The following NR5A2 variants were observed in gnomAD, a reference collection of about 807,000 sequenced individuals.
The protein encoded by NR5A2 is nuclear receptor subfamily 5 group A member 2, also known as CYP7A promoter-binding factor.
Under a neutral mutation model 62.7 loss-of-function variants are expected in NR5A2, and 26 were observed. The observed-to-expected ratio is 0.41, with a 90% CI of 0.30 to 0.58. NR5A2 has a LOEUF of 0.58. Ranked by LOEUF, NR5A2 falls within the 20% of genes least tolerant of loss-of-function variation. The pLI, the probability that NR5A2 is intolerant of heterozygous loss-of-function variation, is 0.22. For synonymous variants in NR5A2, 246 were observed against 241.7 expected, an observed-to-expected ratio of 1.02 and a Z score of -0.16; for missense variants, 541 against 669.1, an observed-to-expected ratio of 0.81 and a Z score of 2.11.
chr1:200,168,298 C>T (rs1571586548), intron 7 of NR5A2, among the ~76,000 whole-genome samples: 1 of 150,854 alleles, frequency 6.6e-6, no homozygotes, highest in Admixed American at 6.6e-5. Context: ...TGTACTTGAA[C>T]TCCTGGGCTC....
chr1:200,161,098 C>T (rs914389222), intron 7 of NR5A2, among the ~76,000 whole-genome samples: 2 of 152,026 alleles, frequency 1.3e-5, no homozygotes, highest in Non-Finnish European at 2.9e-5. Context: ...ACTAAGACCT[C>T]CAAGACCAGC....
chr1:200,132,302 G>C (rs114890565), intron 7 of NR5A2, among the ~76,000 whole-genome samples: 1,611 of 152,252 alleles, frequency 0.011, 21 homozygotes, highest in Non-Finnish European at 0.017. Flanking sequence ...GAGCCAATGT[G>C]CCCGGCAAGA....
intron 7 of NR5A2, among the ~76,000 whole-genome samples, chr1:200,169,107 G>A (rs1184647349): frequency 6.6e-6 from 1 of 152,006 alleles, no homozygotes; most frequent in Non-Finnish European, 1.5e-5. Context: ...ACCGGGAGTA[G>A]CTGAGGCCAG....
chr1:200,061,445 A>G (rs1198825169), intron 5 of NR5A2, among the ~76,000 whole-genome samples: 1 of 151,720 alleles, frequency 6.6e-6, no homozygotes, highest in Admixed American at 6.6e-5. Context: ...TGCCTGGCTA[A>G]TTTTGTATTT....
intron 5 of NR5A2, among the ~76,000 whole-genome samples, chr1:200,080,681 C>G (rs550061497): frequency 2.6e-4 from 39 of 152,276 alleles, no homozygotes; most frequent in African/African-American, 9.1e-4. Flanking sequence ...ATAGCTTTGT[C>G]AAAAACAAAT....
intron 7 of NR5A2, among the ~76,000 whole-genome samples, chr1:200,164,655 C>T (rs1167815189): frequency 2.0e-5 from 3 of 149,150 alleles, no homozygotes; most frequent in Non-Finnish European, 4.4e-5. Flanking sequence ...TCAAGTGATT[C>T]TCCTGTCTCA....
chr1:200,033,407 A>G (rs538452271), intron 1 of NR5A2, among the ~76,000 whole-genome samples: 5 of 152,076 alleles, frequency 3.3e-5, no homozygotes, highest in Non-Finnish European at 5.9e-5. Flanking sequence ...GTCAATTAAA[A>G]AAAAAAGCAC....
rs531368939 is a variant in NR5A2 at position 200,084,765 on chromosome 1, A to T, written c.1111-26437A>T. 3.3e-4 allele frequency among the ~76,000 whole-genome samples: 51 copies of T among 152,320 alleles called. 2 individuals carry two copies. In the South Asian group the frequency reaches 0.011, roughly 32 times the overall value. Reference sequence around the variant, plus strand: ...TAATTCATTGATTCGATAATACAAGAACAGTAAACATTTCTGGCATAACAA... The same window carrying T: ...TAATTCATTGATTCGATAATACAAGTACAGTAAACATTTCTGGCATAACAA... On this transcript the variant is annotated intron_variant, in intron 5 of 7. Coordinates refer to ENST00000367362, the MANE Select transcript of NR5A2 (RefSeq NM_205860.3).
chr1:200,109,287 T>A (rs1042326536), intron 5 of NR5A2, among the ~76,000 whole-genome samples: 2 of 152,206 alleles, frequency 1.3e-5, no homozygotes, highest in Non-Finnish European at 2.9e-5. Flanking sequence ...TCAATTTCTG[T>A]AAGTAATTTC....
intron 7 of NR5A2, among the ~76,000 whole-genome samples, chr1:200,154,424 T>C (rs1481475313): frequency 6.6e-6 from 1 of 152,216 alleles, no homozygotes; most frequent in Non-Finnish European, 1.5e-5. Context: ...TTGGGTTCAG[T>C]TGATAACAAT....
chr1:200,119,915 T>A (rs994524528), intron 6 of NR5A2, among the ~76,000 whole-genome samples: 3 of 147,550 alleles, frequency 2.0e-5, no homozygotes, highest in African/African-American at 4.9e-5. Flanking sequence ...GGCCAGCACT[T>A]TTTTTTTTTT....
chr1:200,150,672 G>A (rs1490662540), intron 7 of NR5A2, among the ~76,000 whole-genome samples: 1 of 152,198 alleles, frequency 6.6e-6, no homozygotes, highest in Non-Finnish European at 1.5e-5. Flanking sequence ...AGAGAGAAGA[G>A]AGATCATAAG....
chr1:200,094,782 T>C (rs968325164), intron 5 of NR5A2, among the ~76,000 whole-genome samples: 1 of 151,542 alleles, frequency 6.6e-6, no homozygotes, highest in African/African-American at 2.4e-5. Flanking sequence ...TCTGCCCGCC[T>C]CGGCCTCCCA....
At chr1:200,091,225 G>T (rs141573180) in intron 5 of NR5A2, among the ~76,000 whole-genome samples, 1 of 152,148 alleles carries the variant, frequency 6.6e-6, no homozygotes, top group Non-Finnish European at 1.5e-5. Flanking sequence ...TTTTATAGAA[G>T]AGTGATGCAC....
chr1:200,131,948 C>T (rs1666984422), intron 7 of NR5A2, among the ~76,000 whole-genome samples: 1 of 152,196 alleles, frequency 6.6e-6, no homozygotes, highest in African/African-American at 2.4e-5. Context: ...CATTAAATCA[C>T]ACAAAATATA....
chr1:200,175,689 G>A lies in NR5A2; in HGVS notation c.*1479G>A, dbSNP rs998537535. On this transcript the variant is annotated 3_prime_UTR_variant, in exon 8 of 8. Transcript: ENST00000367362. ...TGTGATATAACAAAATAGCAAAAGC[G>A]GTAATTTCCTTAATGTTATTTTTCT... is the stretch of plus-strand genomic sequence containing the variant. The A allele has an allele frequency of 2.6e-5, 4 of 152,572 alleles. No individual in the cohort carries two copies. The highest frequency in any genetic ancestry group is 2.1e-4 in the South Asian group (1 of 4,824). The allele number at this position is 152,572 out of a possible 1,614,324, so 9.5% of individuals were successfully genotyped here. A position where few individuals can be genotyped will look rare whatever the true frequency, so the allele number is the denominator to read the frequency against.
chr1:200,085,662 C>CAAAAAAAAA (rs779455520), intron 5 of NR5A2, among the ~76,000 whole-genome samples: 1 of 91,150 alleles, frequency 1.1e-5, no homozygotes, highest in South Asian at 3.5e-4. Context: ...AGACCTATCT[C>CAAAAAAAAA]AAAAAAAAAA....
chr1:200,053,501 C>G (rs1314485020), intron 5 of NR5A2, among the ~76,000 whole-genome samples: 1 of 151,280 alleles, frequency 6.6e-6, no homozygotes, highest in East Asian at 1.9e-4. Flanking sequence ...AGAACTGGGA[C>G]TGGTAGATTC....
intron 7 of NR5A2, among the ~76,000 whole-genome samples, chr1:200,173,581 T>C (rs1654281203): frequency 6.6e-6 from 1 of 152,240 alleles, no homozygotes; most frequent in South Asian, 2.1e-4. Flanking sequence ...TACAGAATTA[T>C]ATGAATTGTG....
Sources: allele counts gnomAD v4.1 joint callset (sites outside exome capture counted in the v4.1 genomes callset), GRCh38; gene constraint gnomAD v4.1.1; transcripts MANE v1.5; gene names NCBI Gene and HGNC (gene_info 2026-07-23, HGNC 2026-07-21).